LONP2: variants seen among roughly 807,000 people sequenced by gnomAD.
LONP2 encodes the protein lon protease homolog 2, peroxisomal.
Under a neutral mutation model 85.6 loss-of-function variants are expected in LONP2, and 60 were observed. The observed-to-expected ratio is 0.70, with a 90% CI of 0.57 to 0.87. The LOEUF is 0.87. LONP2 is among the 40% of genes least tolerant of loss of function. The pLI is 0.00. For synonymous variants in LONP2, 395 were observed against 389.7 expected (o/e 1.01, Z -0.16); for missense variants, 860 against 1,063.5 (o/e 0.81, Z 2.66).
At chr16:48,311,876 G>A (rs1328878787) in intron 11 of LONP2, among the ~76,000 whole-genome samples, 2 of 150,272 alleles carry the variant, frequency 1.3e-5, no homozygotes, top group African/African-American at 4.9e-5. Flanking sequence ...CCTTCCTCTT[G>A]CCTTGGCTTC....
At position 48,347,736 on chromosome 16, in the gene LONP2, G is replaced by A. The variant is rs776995256; in HGVS notation, c.2146+22G>A. On this transcript the variant is annotated intron_variant, in intron 13 of 14. Coordinates refer to ENST00000285737, the MANE Select transcript of LONP2 (RefSeq NM_031490.5). The stretch of plus-strand genomic sequence containing the variant: ...AATGGTAGGAGCCTGCACCCGGCCA[G>A]GCAGGCGTGACCCAGGAGGCGGTAC... 8.7e-6 allele frequency: 14 copies of A among 1,602,128 alleles called. 1 individual carries two copies. Among genetic ancestry groups the A allele is most frequent in the Middle Eastern group, 2.1e-4 (1 of 4,856 alleles).
chr16:48,349,432 G>A (rs1227706185), intron 14 of LONP2, among the ~76,000 whole-genome samples: 4 of 152,108 alleles, frequency 2.6e-5, no homozygotes, highest in East Asian at 1.9e-4. Flanking sequence ...CACCACGCCC[G>A]GATAATTTTT....
At chr16:48,252,072 T>G in intron 1 of LONP2, 59 bp from the exon 2 acceptor site, 38 of 1,247,816 alleles carry the variant, frequency 3.0e-5, no homozygotes, top group Non-Finnish European at 3.7e-5. Context: ...CTTTCTGAAG[T>G]GAGTTTCTGT....
intron 11 of LONP2, among the ~76,000 whole-genome samples, chr16:48,309,490 G>C (rs922489208): frequency 5.3e-5 from 8 of 152,150 alleles, no homozygotes; most frequent in Non-Finnish European, 1.0e-4. Context: ...TTTATAAGTG[G>C]AAGCCAAATA....
chr16:48,282,123 G>T (rs1187003627), intron 8 of LONP2, among the ~76,000 whole-genome samples: 1 of 152,062 alleles, frequency 6.6e-6, no homozygotes. Context: ...AAATGTTTAT[G>T]GCAGGCCAGG....
chr16:48,258,772 G>GAA, intron 4 of LONP2, 32 bp downstream of exon 4: 5 of 1,523,290 alleles, frequency 3.3e-6, no homozygotes, highest in East Asian at 4.7e-5. Flanking sequence ...TTTCAGTTTT[G>GAA]AAAAAAAAAT....
intron 1 of LONP2, among the ~76,000 whole-genome samples, chr16:48,251,381 G>A (rs1971644477): frequency 6.6e-6 from 1 of 152,142 alleles, no homozygotes; most frequent in Non-Finnish European, 1.5e-5. Flanking sequence ...CTTCCTTTCT[G>A]TGAATTAAAT....
chr16:48,270,811 T>TA (rs904254402), intron 7 of LONP2, among the ~76,000 whole-genome samples: 2 of 152,072 alleles, frequency 1.3e-5, no homozygotes, highest in African/African-American at 2.4e-5. Flanking sequence ...TCACTTTCTA[T>TA]AAAAAAACAA....
At chr16:48,266,738 T>C (rs144877907) in intron 6 of LONP2, among the ~76,000 whole-genome samples, 2 of 152,318 alleles carry the variant, frequency 1.3e-5, no homozygotes, top group African/African-American at 4.8e-5. Flanking sequence ...TATACCATCA[T>C]TTGTTTATCA....
At chr16:48,313,570 C>T (rs965866933) in intron 11 of LONP2, among the ~76,000 whole-genome samples, 1 of 152,156 alleles carries the variant, frequency 6.6e-6, no homozygotes, top group African/African-American at 2.4e-5. Context: ...TAAGTGAGAA[C>T]ATGCAGTGTT....
chr16:48,271,111 G>T (rs1972094228), intron 7 of LONP2, among the ~76,000 whole-genome samples: 1 of 152,088 alleles, frequency 6.6e-6, no homozygotes, highest in East Asian at 1.9e-4. Context: ...GCCTGGGAAG[G>T]TCCAGGCTGC....
chr16:48,256,428 T>G (rs574593791), intron 2 of LONP2, among the ~76,000 whole-genome samples, 182 bp from the exon 3 acceptor site: 3 of 152,254 alleles, frequency 2.0e-5, no homozygotes, highest in African/African-American at 7.2e-5. Flanking sequence ...TCATTCTGAT[T>G]GATGTTTTGA....
chr16:48,275,405 T>G (rs1376734548), intron 7 of LONP2, among the ~76,000 whole-genome samples: 1 of 152,168 alleles, frequency 6.6e-6, no homozygotes, highest in Non-Finnish European at 1.5e-5. Flanking sequence ...TAGCCTCTAC[T>G]CTGTGGTAAG....
chr16:48,261,577 G>T lies in LONP2; in HGVS notation c.877G>T (p.Glu293Ter), dbSNP rs1672859617. 7 of 1,570,978 alleles carry T rather than the reference G, an allele frequency of 4.5e-6. No individual in the cohort carries two copies. The highest frequency in any genetic ancestry group is 1.2e-5 in the South Asian group (1 of 84,532). The change falls in exon 5 of 15, where the codon GAG (glutamate) becomes TAG (stop). Residue 293 changes from glutamate (E) to a stop codon, truncating the protein, a stop_gained. Coordinates refer to ENST00000285737, the MANE Select transcript of LONP2 (RefSeq NM_031490.5). LOFTEE classifies it high-confidence loss of function. Reference protein sequence around the residue: ...PEQAHKVCVKEIKRLKKMPQS... With the variant: ...PEQAHKVCVK ...GCAGGCCCATAAAGTCTGTGTCAAAGAGATAAAGAGGTAAATTATAAAAGG... is the reference window on the plus strand; with the variant it reads ...GCAGGCCCATAAAGTCTGTGTCAAATAGATAAAGAGGTAAATTATAAAAGG...
downstream of LONP2, chr16:48,361,827 C>A: frequency 6.2e-7 from 1 of 1,614,128 alleles, no homozygotes; most frequent in Non-Finnish European, 8.5e-7. Flanking sequence ...CTGCTGGTGA[C>A]CATCGTATTT....
chr16:48,274,021 A>C (rs1298635481), intron 7 of LONP2, among the ~76,000 whole-genome samples: 1 of 152,200 alleles, frequency 6.6e-6, no homozygotes, highest in Non-Finnish European at 1.5e-5. Context: ...AAAATAACTG[A>C]AGCAGCAAGC....
chr16:48,303,493 C>G (rs913477677), intron 11 of LONP2, among the ~76,000 whole-genome samples, 188 bp downstream of exon 11: 3 of 152,122 alleles, frequency 2.0e-5, no homozygotes, highest in African/African-American at 4.8e-5. Context: ...TTGTCTTTTA[C>G]AAATAGCACA....
At chr16:48,255,992 T>G (rs1971751135) in intron 2 of LONP2, among the ~76,000 whole-genome samples, 1 of 152,204 alleles carries the variant, frequency 6.6e-6, no homozygotes. Context: ...TGATTGGCCG[T>G]GATAATAGCA....
At chr16:48,248,953 C>T (rs907125269) in intron 1 of LONP2, among the ~76,000 whole-genome samples, 37 of 151,078 alleles carry the variant, frequency 2.4e-4, no homozygotes, top group African/African-American at 8.7e-4. Flanking sequence ...ATAATATCCT[C>T]ATCTTGGAAA....
Sources: gnomAD v4.1 joint callset for allele counts (sites outside exome capture counted in the v4.1 genomes callset) on GRCh38, gnomAD v4.1.1 for gene constraint, MANE v1.5 for transcripts, NCBI Gene and HGNC (gene_info 2026-07-23, HGNC 2026-07-21) for gene names.